RTN1: variants seen among roughly 807,000 people sequenced by gnomAD.
RTN1 encodes the protein reticulon-1.
Under a neutral mutation model 65.5 loss-of-function variants are expected in RTN1, and 25 were observed. The observed-to-expected ratio is 0.38, with a 90% CI of 0.28 to 0.53. The LOEUF is 0.53. Ranked by LOEUF, RTN1 falls within the 20% of genes least tolerant of loss-of-function variation. The pLI is 0.79. For synonymous variants in RTN1, 471 were observed against 447.6 expected (o/e 1.05, Z -0.66); for missense variants, 983 against 1,025.4 (o/e 0.96, Z 0.57).
intron 1 of RTN1, among the ~76,000 whole-genome samples, chr14:59,762,913 C>T (rs1424654588): frequency 1.3e-5 from 2 of 152,126 alleles, no homozygotes; most frequent in Non-Finnish European, 2.9e-5. Flanking sequence ...CCTTCTTGTT[C>T]AAGTTTTCAA....
At chr14:59,761,333 G>A (rs563284915) in intron 1 of RTN1, among the ~76,000 whole-genome samples, 61 of 152,260 alleles carry the variant, frequency 4.0e-4, no homozygotes, top group Admixed American at 5.9e-4. Context: ...GGTTTCCCCC[G>A]TACTGTTCTC....
chr14:59,747,308 A>G (rs773619499), intron 1 of RTN1, among the ~76,000 whole-genome samples: 2 of 152,164 alleles, frequency 1.3e-5, no homozygotes. Context: ...CATTTTTTAT[A>G]TTCATTAATA....
At chr14:59,661,823 C>G (rs1372705177) in intron 3 of RTN1, among the ~76,000 whole-genome samples, 2 of 152,186 alleles carry the variant, frequency 1.3e-5, no homozygotes, top group African/African-American at 4.8e-5. Context: ...CCGAAGCATT[C>G]CCTTTGAAAA....
intron 3 of RTN1, among the ~76,000 whole-genome samples, chr14:59,716,818 A>G (rs1283032783): frequency 2.6e-5 from 4 of 151,264 alleles, no homozygotes; most frequent in Admixed American, 2.6e-4. Context: ...AAAAAAAAAA[A>G]TTAGCCAGGC....
intron 1 of RTN1, among the ~76,000 whole-genome samples, chr14:59,768,720 G>A (rs139390750): frequency 1.2e-4 from 18 of 148,840 alleles, no homozygotes; most frequent in Admixed American, 4.6e-4. Flanking sequence ...CATGTGTCTC[G>A]CTGTTAAAAA....
Position 59,867,226 on chromosome 14 carries a change from T to C in RTN1, c.241+3164A>G, listed in dbSNP as rs147111098. Among the ~76,000 whole-genome samples the C allele has an allele frequency of 2.2e-3, 340 of 152,332 alleles. 4 individuals are homozygous for C. The highest frequency in any genetic ancestry group is 7.6e-3 in the African/African-American group (314 of 41,584). Reference sequence around the variant, plus strand: ...GGACCATTCTTTTTTCCTTTTGTTATTGTATGCTCCTTTTGAATAGTTTCC... The same window carrying C: ...GGACCATTCTTTTTTCCTTTTGTTACTGTATGCTCCTTTTGAATAGTTTCC... On this transcript the variant is annotated intron_variant, in intron 1 of 8. Transcript: ENST00000267484.
chr14:59,864,099 T>A (rs1015146341), intron 1 of RTN1, among the ~76,000 whole-genome samples: 1 of 152,132 alleles, frequency 6.6e-6, no homozygotes, highest in Non-Finnish European at 1.5e-5. Flanking sequence ...ACTCTAAATA[T>A]GTTCCTTCTC....
In RTN1 at chr14:59,630,526, C is replaced by T. The variant is rs201787614; in HGVS notation, c.1766-23034G>A. The T allele has an allele frequency of 1.7e-5, 28 of 1,613,228 alleles. No individual in the cohort carries two copies. The African/African-American group carries it at 2.8e-4, about 16-fold the overall frequency. The stretch of plus-strand genomic sequence containing the variant: ...CTGCATCGTGCGGGCTTTGGGGGCT[C>T]GCCGTGGCTCTCCTCGGGGGCGCCG... On this transcript the variant is annotated intron_variant, in intron 3 of 8. Transcript: ENST00000267484.
intron 1 of RTN1, among the ~76,000 whole-genome samples, chr14:59,764,238 C>T (rs747119405): frequency 3.3e-5 from 5 of 151,972 alleles, no homozygotes; most frequent in Admixed American, 6.6e-5. Context: ...ATAGAAGTGA[C>T]TGGGAACAAG....
rs372629146 is a variant in RTN1, at chr14:59,630,224, A to C, written c.1766-22732T>G. Among the ~76,000 whole-genome samples the C allele has an allele frequency of 2.1e-4, 31 of 150,438 alleles. No homozygotes were observed. In the East Asian group the frequency reaches 2.8e-3, roughly 13 times the overall value. On this transcript the variant is annotated intron_variant, in intron 3 of 8. Coordinates refer to ENST00000267484, the MANE Select transcript of RTN1 (RefSeq NM_021136.3). ...TTAAAATACCAGCATTACAACAAGA[A>C]AACAAAGGGGTGGGGGTGGGGTTAA...
intron 3 of RTN1, among the ~76,000 whole-genome samples, chr14:59,664,148 C>T (rs4901951): frequency 0.8 from 121,545 of 152,096 alleles, 48,691 homozygotes; most frequent in Admixed American, 0.86. Context: ...CAGCAAAGGA[C>T]GAGTTCATAT....
chr14:59,745,716 G>A lies in RTN1; in HGVS notation c.1007C>T (p.Ser336Phe). ...DSPGSITPPS[S>F]GTEPSAAESQ... Reference sequence around the variant, plus strand: ...AATAACAGGGCCTTTACCTGTTCCAGAAGATGGAGGGGTGATAGATCCTGG... The same window carrying A: ...AATAACAGGGCCTTTACCTGTTCCAAAAGATGGAGGGGTGATAGATCCTGG... Residue 336 changes from serine to phenylalanine, a missense_variant, in exon 2 of 9, where the codon TCT (serine) becomes TTT (phenylalanine). Ser to Phe is a radical substitution (Grantham distance 155). Around this residue, in one of 2 missense-constraint regions of RTN1, gnomAD observed 818 missense variants for 801.8 expected, o/e 1.02. Transcript: ENST00000267484. The A allele has an allele frequency of 1.2e-6, 2 of 1,600,838 alleles. No individual in the cohort carries two copies. The highest frequency in any genetic ancestry group is 1.7e-6 in the Non-Finnish European group (2 of 1,175,252).
chr14:59,791,684 C>T (rs574984265), intron 1 of RTN1, among the ~76,000 whole-genome samples: 80 of 152,320 alleles, frequency 5.3e-4, no homozygotes, highest in Non-Finnish European at 9.1e-4. Context: ...CCATGTACCA[C>T]TTCCTGTAGG....
chr14:59,763,990 G>A (rs572885873), intron 1 of RTN1, among the ~76,000 whole-genome samples: 35 of 152,262 alleles, frequency 2.3e-4, no homozygotes, highest in Non-Finnish European at 3.5e-4. Context: ...CTTGCACTGG[G>A]GCTTTGAAAA....
chr14:59,827,313 C>T (rs1163125494), intron 1 of RTN1, among the ~76,000 whole-genome samples: 5 of 152,122 alleles, frequency 3.3e-5, no homozygotes, highest in Non-Finnish European at 7.4e-5. Context: ...CTCCTGACCT[C>T]GTGATCCGCC....
intron 3 of RTN1, among the ~76,000 whole-genome samples, chr14:59,702,158 T>C (rs1594687160): frequency 6.6e-6 from 1 of 152,202 alleles, no homozygotes; most frequent in Non-Finnish European, 1.5e-5. Context: ...ATAAAAATGC[T>C]TTTAGATGAA....
chr14:59,807,010 A>G (rs890817510), intron 1 of RTN1, among the ~76,000 whole-genome samples: 1 of 152,260 alleles, frequency 6.6e-6, no homozygotes, highest in Non-Finnish European at 1.5e-5. Flanking sequence ...CATATTCCGA[A>G]GGAAATGGGA....
chr14:59,754,875 G>A (rs79047137), intron 1 of RTN1, among the ~76,000 whole-genome samples: 1 of 152,176 alleles, frequency 6.6e-6, no homozygotes, highest in African/African-American at 2.4e-5. Context: ...AGAGTCCAAG[G>A]CCATGCTGTC....
Position 59,607,335 on chromosome 14 carries a change from G to A in RTN1, c.1923C>T (p.Tyr641=), listed in dbSNP as rs896144885. The A allele has an allele frequency of 1.2e-6, 2 of 1,613,994 alleles. No individual in the cohort carries two copies. Among genetic ancestry groups the A allele is most frequent in the Middle Eastern group, 1.6e-4 (1 of 6,062 alleles). Residue 641 remains tyrosine, a synonymous_variant, in exon 4 of 9, where the codon TAC becomes TAT. Coordinates refer to ENST00000267484, the MANE Select transcript of RTN1 (RefSeq NM_021136.3). ...ALSATISFRI[Y]KSVLQAVQKT... Reference sequence around the variant, plus strand: ...TCTGCACTGCTTGTAAAACAGACTTGTAGATGCGGAAACTGATGGTGGCTG... The same window carrying A: ...TCTGCACTGCTTGTAAAACAGACTTATAGATGCGGAAACTGATGGTGGCTG...
Sources: allele counts gnomAD v4.1 joint callset (sites outside exome capture counted in the v4.1 genomes callset), GRCh38; gene constraint gnomAD v4.1.1; regional missense constraint gnomAD v4.1.1; transcripts MANE v1.5; gene names NCBI Gene and HGNC (gene_info 2026-07-23, HGNC 2026-07-21).